Variants in HS6ST3 observed in about 807,000 individuals in gnomAD.
HS6ST3 encodes heparan-sulfate 6-O-sulfotransferase 3.
Under a neutral mutation model 36.7 loss-of-function variants are expected in HS6ST3, and 12 were observed. The observed-to-expected ratio is 0.33, with a 90% CI of 0.21 to 0.53. The LOEUF (loss-of-function observed/expected upper bound fraction) is 0.53. Among genes scored for constraint, HS6ST3 ranks in the 20% least tolerant of loss-of-function variants. HS6ST3 has a pLI of 0.95. For synonymous variants in HS6ST3, 240 were observed against 257.5 expected (o/e 0.93, Z 0.65); for missense variants, 584 against 640.9 (o/e 0.91, Z 0.96).
In HS6ST3 at chr13:96,750,460, G is replaced by C. The variant is rs80051685; in HGVS notation, c.708-82030G>C. 3.9e-5 allele frequency among the ~76,000 whole-genome samples: 6 copies of C among 152,314 alleles called. No individual in the cohort carries two copies. The East Asian group carries it at 1.2e-3, about 29-fold the overall frequency. On this transcript the variant is annotated intron_variant, in intron 1 of 1. Transcript: ENST00000376705. ...CATGCCTCTGTATTTGTAGTGAAGCGAAGATAAAGGCATAAGCCATATACC... is the reference window on the plus strand; with the variant it reads ...CATGCCTCTGTATTTGTAGTGAAGCCAAGATAAAGGCATAAGCCATATACC...
At chr13:96,316,290 TGTGTGTGTGTATGTGTACAGTGG>T in intron 1 of HS6ST3, among the ~76,000 whole-genome samples, 1 of 149,576 alleles carries the variant, frequency 6.7e-6, no homozygotes, top group Admixed American at 6.7e-5. Flanking sequence ...TGTGTGTGTG[TGTGTGTGTGTATGTGTACAGTGG>T]ATGTGTATGA....
chr13:96,332,169 A>T (rs544923909), intron 1 of HS6ST3, among the ~76,000 whole-genome samples: 1 of 152,140 alleles, frequency 6.6e-6, no homozygotes, highest in Non-Finnish European at 1.5e-5. Flanking sequence ...GGAGCTGTAG[A>T]CCAGAGCTGT....
At chr13:96,737,590 A>G (rs1304969128) in intron 1 of HS6ST3, among the ~76,000 whole-genome samples, 2 of 134,576 alleles carry the variant, frequency 1.5e-5, no homozygotes, top group Non-Finnish European at 3.1e-5. Context: ...GCGCCACTGC[A>G]GTCCGCAGTC....
At chr13:96,578,954 T>C (rs1405841573) in intron 1 of HS6ST3, among the ~76,000 whole-genome samples, 1 of 152,198 alleles carries the variant, frequency 6.6e-6, no homozygotes. Flanking sequence ...ACATTCTCTG[T>C]AATTATGAAT....
At chr13:96,665,337 G>C (rs1422219835) in intron 1 of HS6ST3, among the ~76,000 whole-genome samples, 2 of 152,116 alleles carry the variant, frequency 1.3e-5, no homozygotes, top group Non-Finnish European at 2.9e-5. Flanking sequence ...GAGACATCAT[G>C]GTGAGTAAGA....
chr13:96,291,655 G>A (rs1157061255), intron 1 of HS6ST3, among the ~76,000 whole-genome samples: 4 of 152,098 alleles, frequency 2.6e-5, no homozygotes, highest in Non-Finnish European at 4.4e-5. Context: ...AACTCTTTTC[G>A]TTTAATAATA....
chr13:96,254,141 C>T (rs867582732), intron 1 of HS6ST3, among the ~76,000 whole-genome samples: 5 of 151,942 alleles, frequency 3.3e-5, no homozygotes, highest in Middle Eastern at 3.4e-3. Context: ...TCCAGCCGGG[C>T]GCGGTGGCTC....
intron 1 of HS6ST3, among the ~76,000 whole-genome samples, chr13:96,763,199 T>A (rs975212450): frequency 2.0e-5 from 3 of 151,696 alleles, no homozygotes; most frequent in Non-Finnish European, 2.9e-5. Context: ...ACAAAGGTTT[T>A]TTAAACATCA....
intron 1 of HS6ST3, among the ~76,000 whole-genome samples, chr13:96,441,058 G>A (rs1362733359): frequency 6.6e-6 from 1 of 152,096 alleles, no homozygotes; most frequent in Non-Finnish European, 1.5e-5. Context: ...TGAGGCCAGA[G>A]AGCTAGCTGG....
intron 1 of HS6ST3, among the ~76,000 whole-genome samples, chr13:96,228,156 A>G (rs990209345): frequency 6.6e-6 from 1 of 152,208 alleles, no homozygotes; most frequent in Admixed American, 6.5e-5. Flanking sequence ...ATGATGTGAA[A>G]CCAGCCATAG....
At chr13:96,800,058 C>T (rs535830675) in intron 1 of HS6ST3, among the ~76,000 whole-genome samples, 2 of 141,408 alleles carry the variant, frequency 1.4e-5, no homozygotes, top group Non-Finnish European at 3.1e-5. Flanking sequence ...TTCAGAATTA[C>T]AGCCGCCTAG....
At chr13:96,139,691 G>A (rs988505136) in intron 1 of HS6ST3, among the ~76,000 whole-genome samples, 1 of 151,742 alleles carries the variant, frequency 6.6e-6, no homozygotes, top group Non-Finnish European at 1.5e-5. Context: ...TTTTGCATAG[G>A]ACTACAGTGT....
At chr13:96,133,368 C>T (rs969473289) in intron 1 of HS6ST3, among the ~76,000 whole-genome samples, 45 of 150,296 alleles carry the variant, frequency 3.0e-4, no homozygotes, top group African/African-American at 4.4e-4. Context: ...CCTCGTGATC[C>T]GCCCGCCTCG....
At chr13:96,349,551 G>C (rs1476665286) in intron 1 of HS6ST3, among the ~76,000 whole-genome samples, 1 of 152,190 alleles carries the variant, frequency 6.6e-6, no homozygotes, top group Non-Finnish European at 1.5e-5. Context: ...AAGATTCAGA[G>C]TATAGGGATT....
chr13:96,392,926 C>G (rs932900366), intron 1 of HS6ST3, among the ~76,000 whole-genome samples: 4 of 152,016 alleles, frequency 2.6e-5, no homozygotes, highest in Admixed American at 2.0e-4. Flanking sequence ...TGGCTCTGTC[C>G]CCACCCAGAT....
At chr13:96,489,444 G>A (rs2055933946) in intron 1 of HS6ST3, among the ~76,000 whole-genome samples, 3 of 151,450 alleles carry the variant, frequency 2.0e-5, no homozygotes, top group Non-Finnish European at 2.9e-5. Flanking sequence ...TAAAAAACAT[G>A]TTTCTATTTT....
intron 1 of HS6ST3, among the ~76,000 whole-genome samples, chr13:96,110,053 G>T (rs536219988): frequency 3.0e-4 from 46 of 152,292 alleles, no homozygotes; most frequent in South Asian, 8.3e-4. Flanking sequence ...AGTCCATTTT[G>T]TGTTGCTATA....
intron 1 of HS6ST3, among the ~76,000 whole-genome samples, chr13:96,754,847 C>T (rs1924588): frequency 0.57 from 86,022 of 151,850 alleles, 26,466 homozygotes; most frequent in African/African-American, 0.83. Context: ...TAGTTCTCTT[C>T]ATATAATATC....
At chr13:96,197,122 G>A (rs2054318216) in intron 1 of HS6ST3, among the ~76,000 whole-genome samples, 1 of 152,162 alleles carries the variant, frequency 6.6e-6, no homozygotes, top group Non-Finnish European at 1.5e-5. Context: ...AGCTTTTAGG[G>A]CCAAAGTACA....
Sources: gnomAD v4.1 joint callset for allele counts (sites outside exome capture counted in the v4.1 genomes callset) on GRCh38, gnomAD v4.1.1 for gene constraint, MANE v1.5 for transcripts, NCBI Gene and HGNC (gene_info 2026-07-23, HGNC 2026-07-21) for gene names.